The following SGK1 variants were observed in gnomAD, a reference collection of about 807,000 sequenced individuals.
The protein encoded by SGK1 is serine/threonine-protein kinase Sgk1.
A neutral mutation model predicts 64.2 loss-of-function variants in SGK1; 26 were observed. The ratio of observed to expected loss-of-function variants is 0.40; its 90% CI spans 0.30 to 0.56. SGK1 has a LOEUF of 0.56. SGK1 is among the 20% of genes least tolerant of loss of function. The probability of loss-of-function intolerance (pLI) is 0.38; values close to 1 mark genes in which losing one functional copy is unlikely to be tolerated. For synonymous variants in SGK1, 265 were observed against 239.7 expected, an observed-to-expected ratio of 1.11 and a Z score of -0.98; for missense variants, 519 against 645.6, an observed-to-expected ratio of 0.80 and a Z score of 2.12.
chr6:134,307,056 C>T (rs558554030), intron 1 of SGK1, among the ~76,000 whole-genome samples: 2 of 151,974 alleles, frequency 1.3e-5, no homozygotes, highest in East Asian at 3.9e-4. Flanking sequence ...TAATGCAAGA[C>T]ATAACTGCCA....
intron 1 of SGK1, among the ~76,000 whole-genome samples, chr6:134,306,606 C>T (rs972344811): frequency 2.0e-5 from 3 of 151,862 alleles, no homozygotes; most frequent in African/African-American, 7.3e-5. Context: ...TTACTGCAAC[C>T]TCCACCTTCT....
At chr6:134,211,437 G>C (rs954977416) in intron 2 of SGK1, 69 of 153,886 alleles carry the variant, frequency 4.5e-4, no homozygotes, top group African/African-American at 1.6e-3. Context: ...CTGAAAGCAA[G>C]ATGCATCAAT....
chr6:134,227,510 C>T (rs1776203904), intron 2 of SGK1, among the ~76,000 whole-genome samples: 1 of 152,176 alleles, frequency 6.6e-6, no homozygotes, highest in Non-Finnish European at 1.5e-5. Context: ...TCACTCAGGA[C>T]AGAAAAGTGG....
chr6:134,315,288 G>A (rs1777662107), intron 1 of SGK1, among the ~76,000 whole-genome samples: 1 of 152,160 alleles, frequency 6.6e-6, no homozygotes, highest in African/African-American at 2.4e-5. Flanking sequence ...AACTGTCCTT[G>A]AGGAGTAAGG....
At chr6:134,260,394 C>T (rs952051492) in intron 2 of SGK1, 13 of 127,404 alleles carry the variant, frequency 1.0e-4, no homozygotes, top group East Asian at 6.9e-4. Flanking sequence ...AAAAAAGGGC[C>T]GGCGTAGTGG....
intron 1 of SGK1, among the ~76,000 whole-genome samples, chr6:134,284,841 C>G (rs1028812120): frequency 4.6e-5 from 7 of 152,140 alleles, no homozygotes; most frequent in African/African-American, 1.7e-4. Flanking sequence ...TCCAGCTACA[C>G]CCAAGTTGTG....
intron 1 of SGK1, among the ~76,000 whole-genome samples, chr6:134,301,537 TCTTCTCTTCTCTTCTC>T (rs1483790202): frequency 4.0e-4 from 8 of 20,204 alleles, no homozygotes; most frequent in African/African-American, 1.7e-3. Context: ...TCTTTTCTTC[TCTTCTCTTCTCTTCTC>T]TTCTCTTCTC....
At chr6:134,242,408 C>T (rs906836724) in intron 2 of SGK1, among the ~76,000 whole-genome samples, 1 of 152,002 alleles carries the variant, frequency 6.6e-6, no homozygotes, top group Non-Finnish European at 1.5e-5. Flanking sequence ...ATCGCTTGAA[C>T]CTGGGAGGCG....
chr6:134,197,859 T>TA (rs1562247626), intron 3 of SGK1, among the ~76,000 whole-genome samples: 9 of 139,546 alleles, frequency 6.4e-5, no homozygotes, highest in Admixed American at 2.8e-4. Flanking sequence ...AAAATAAAAT[T>TA]AAATTAAAAT....
intron 1 of SGK1, among the ~76,000 whole-genome samples, chr6:134,290,950 A>C (rs1434312278): frequency 6.6e-6 from 1 of 152,100 alleles, no homozygotes; most frequent in Non-Finnish European, 1.5e-5. Context: ...TATTGAAGTG[A>C]ATGGATGAGT....
At chr6:134,172,143 T>C (rs754123016) in intron 10 of SGK1, 50 bp downstream of exon 10, 2 of 1,602,954 alleles carry the variant, frequency 1.2e-6, no homozygotes, top group Non-Finnish European at 1.7e-6. Flanking sequence ...TGTACATCTC[T>C]CTCTTGGAAG....
chr6:134,284,804 C>T (rs1456271568), intron 1 of SGK1, among the ~76,000 whole-genome samples: 4 of 152,016 alleles, frequency 2.6e-5, no homozygotes, highest in East Asian at 1.9e-4. Context: ...TTTCCATTCC[C>T]GAGTTATTTC....
chr6:134,314,813 A>G (rs1305104227), intron 1 of SGK1, among the ~76,000 whole-genome samples: 5 of 149,882 alleles, frequency 3.3e-5, no homozygotes. Flanking sequence ...TTTTTTTCCA[A>G]AATCTATTCA....
In SGK1 at chr6:134,294,061, C is replaced by T. The variant is rs1451138198; in HGVS notation, c.69+23331G>A. Among the ~76,000 whole-genome samples, 3 of 152,180 alleles carry T rather than the reference C, an allele frequency of 2.0e-5. No homozygotes were observed. In the East Asian group the frequency reaches 5.8e-4, roughly 29 times the overall value. On this transcript the variant is annotated intron_variant, in intron 1 of 13. Transcript: ENST00000367858. ...GTTGCAAGTTTTTCTGAACATGTGG[C>T]TGTGCAGATAGCTCAGGTCCTGAGC... is the stretch of plus-strand genomic sequence containing the variant.
At chr6:134,223,587 G>A (rs1165319020) in intron 2 of SGK1, among the ~76,000 whole-genome samples, 7 of 152,148 alleles carry the variant, frequency 4.6e-5, no homozygotes, top group African/African-American at 1.4e-4. Context: ...GATTTTATGC[G>A]AGGTTCTGGG....
chr6:134,265,626 A>ATTT lies in SGK1; in HGVS notation c.70-3479_70-3478insAAA, dbSNP rs568547797. ...ATATATTTTATATATATACATATAT[A>ATTT]TATATACATATATATATACACAGAA... On this transcript the variant is annotated intron_variant, in intron 1 of 13. Transcript: ENST00000367858. 9.0e-3 allele frequency among the ~76,000 whole-genome samples: 1,242 copies of ATTT among 138,304 alleles called. 20 individuals carry two copies. Among genetic ancestry groups the ATTT allele is most frequent in the African/African-American group, 0.032 (1,177 of 36,324 alleles). 90.7% of individuals were successfully genotyped at this position (138,304 alleles called of 152,430 possible). A position where few individuals can be genotyped will look rare whatever the true frequency, so the allele number is the denominator to read the frequency against.
chr6:134,238,552 T>C (rs1582734849), intron 2 of SGK1, among the ~76,000 whole-genome samples: 2 of 149,736 alleles, frequency 1.3e-5, no homozygotes, highest in South Asian at 4.3e-4. Context: ...TAAAGAATAT[T>C]AATTCTCTCA....
At chr6:134,241,366 C>T (rs575770485) in intron 2 of SGK1, among the ~76,000 whole-genome samples, 340 of 151,766 alleles carry the variant, frequency 2.2e-3, no homozygotes, top group Middle Eastern at 0.014. Context: ...ATGTTTTTTT[C>T]TTTTTAGAGA....
At chr6:134,240,300 A>T (rs1191708292) in intron 2 of SGK1, among the ~76,000 whole-genome samples, 10 of 151,676 alleles carry the variant, frequency 6.6e-5, no homozygotes, top group African/African-American at 1.7e-4. Context: ...TCAAAAAAAA[A>T]AAAAAAAAAA....
Sources: allele counts gnomAD v4.1 joint callset (sites outside exome capture counted in the v4.1 genomes callset), GRCh38; gene constraint gnomAD v4.1.1; transcripts MANE v1.5; gene names NCBI Gene and HGNC (gene_info 2026-07-23, HGNC 2026-07-21).